Variants in CACNA1E observed in about 807,000 individuals in gnomAD.
CACNA1E encodes the protein calcium voltage-gated channel subunit alpha1 E, also known as voltage-dependent R-type calcium channel subunit alpha-1E.
A neutral mutation model predicts 259.2 loss-of-function variants in CACNA1E; 40 were observed. That is an observed-to-expected ratio of 0.15 (90% CI 0.12 to 0.20). The LOEUF (loss-of-function observed/expected upper bound fraction) is 0.20, where lower values mean the gene tolerates loss of function less well. Among genes scored for constraint, CACNA1E ranks in the 10% least tolerant of loss-of-function variants. The pLI is 1.00. For synonymous variants in CACNA1E, 1,104 were observed against 1,138.5 expected, an observed-to-expected ratio of 0.97 and a Z score of 0.61; for missense variants, 1,874 against 3,040.1, an observed-to-expected ratio of 0.62 and a Z score of 9.02.
At chr1:181,624,575 A>G (rs1352660725) in intron 6 of CACNA1E, among the ~76,000 whole-genome samples, 1 of 152,094 alleles carries the variant, frequency 6.6e-6, no homozygotes, top group Non-Finnish European at 1.5e-5. Flanking sequence ...ATCAATGAAA[A>G]TTTTATCATG....
chr1:181,521,870 G>A (rs1667017278), intron 3 of CACNA1E, among the ~76,000 whole-genome samples: 1 of 152,086 alleles, frequency 6.6e-6, no homozygotes, highest in Admixed American at 6.6e-5. Flanking sequence ...CTAGAGGTGG[G>A]GGAGGCCATG....
chr1:181,358,155 C>T (rs1295788442), intron 1 of CACNA1E, among the ~76,000 whole-genome samples: 1 of 152,138 alleles, frequency 6.6e-6, no homozygotes, highest in Non-Finnish European at 1.5e-5. Flanking sequence ...CCACAGCTAG[C>T]TCTCTACGTG....
chr1:181,712,198 T>C lies in CACNA1E; in HGVS notation c.1171+1129T>C, dbSNP rs137971662. Among the ~76,000 whole-genome samples the C allele has an allele frequency of 2.0e-3, 308 of 152,318 alleles. 1 individual carries two copies. Among genetic ancestry groups the C allele is most frequent in the African/African-American group, 7.0e-3 (291 of 41,570 alleles). On this transcript the variant is annotated intron_variant, in intron 8 of 47. Transcript: ENST00000367573. ...GTGGCTCAGATGCTTATGAAGGGCA[T>C]CAATCACCCCCATATTTGTCAATAA...
intron 6 of CACNA1E, among the ~76,000 whole-genome samples, chr1:181,618,782 G>A (rs1655457919): frequency 6.6e-6 from 1 of 152,204 alleles, no homozygotes; most frequent in Admixed American, 6.5e-5. Context: ...AATTCAGTGA[G>A]TAGTACAGGG....
At chr1:181,409,596 A>T (rs1204842145) in intron 1 of CACNA1E, among the ~76,000 whole-genome samples, 1 of 152,178 alleles carries the variant, frequency 6.6e-6, no homozygotes, top group Non-Finnish European at 1.5e-5. Flanking sequence ...GAATTTGGGG[A>T]TTGGAGGGGG....
chr1:181,519,625 G>C (rs995718084), intron 3 of CACNA1E, among the ~76,000 whole-genome samples: 1 of 152,068 alleles, frequency 6.6e-6, no homozygotes, highest in African/African-American at 2.4e-5. Flanking sequence ...ATGTTGCTAA[G>C]TAACTTGTCC....
chr1:181,347,045 A>G (rs946016920), intron 1 of CACNA1E, among the ~76,000 whole-genome samples: 18 of 152,180 alleles, frequency 1.2e-4, no homozygotes, highest in African/African-American at 3.9e-4. Flanking sequence ...ATGCCTTTTC[A>G]TGAAAACATC....
At chr1:181,735,401 G>A (rs1046907226) in intron 21 of CACNA1E, among the ~76,000 whole-genome samples, 3 of 152,152 alleles carry the variant, frequency 2.0e-5, no homozygotes, top group Non-Finnish European at 2.9e-5. Flanking sequence ...GCCTGGGCAT[G>A]GGCCAGGACC....
intron 43 of CACNA1E, among the ~76,000 whole-genome samples, chr1:181,788,083 T>A (rs962844661): frequency 2.0e-5 from 3 of 152,232 alleles, no homozygotes; most frequent in African/African-American, 7.2e-5. Flanking sequence ...CGTAGGTTAC[T>A]GCAGTTGTGT....
chr1:181,657,882 C>G (rs1659335307), intron 7 of CACNA1E, among the ~76,000 whole-genome samples: 2 of 152,216 alleles, frequency 1.3e-5, no homozygotes, highest in Non-Finnish European at 2.9e-5. Flanking sequence ...TGTTGGCATT[C>G]TTTGTTCGTG....
At chr1:181,534,603 A>G (rs544869509) in intron 3 of CACNA1E, among the ~76,000 whole-genome samples, 1 of 152,258 alleles carries the variant, frequency 6.6e-6, no homozygotes, top group Non-Finnish European at 1.5e-5. Flanking sequence ...AATCCCCACT[A>G]AAGAATTTAT....
intron 6 of CACNA1E, among the ~76,000 whole-genome samples, chr1:181,600,714 A>C (rs964284694): frequency 1.3e-5 from 2 of 152,136 alleles, no homozygotes; most frequent in Non-Finnish European, 2.9e-5. Flanking sequence ...AGGCATGTTA[A>C]ATTGGAGTGG....
chr1:181,745,579 T>C (rs1393783743), intron 25 of CACNA1E, among the ~76,000 whole-genome samples: 1 of 152,004 alleles, frequency 6.6e-6, no homozygotes, highest in East Asian at 1.9e-4. Flanking sequence ...GATTTAAAAG[T>C]AGATTTTAGA....
chr1:181,407,883 T>TATC (rs1478681508), intron 1 of CACNA1E, among the ~76,000 whole-genome samples: 1 of 152,100 alleles, frequency 6.6e-6, no homozygotes, highest in Non-Finnish European at 1.5e-5. Context: ...AGTTGTAGAG[T>TATC]ATCATATCTC....
chr1:181,434,973 GCAGA>G (rs1179136769), intron 2 of CACNA1E, among the ~76,000 whole-genome samples: 1 of 152,206 alleles, frequency 6.6e-6, no homozygotes, highest in African/African-American at 2.4e-5. Context: ...GATCTGGGTT[GCAGA>G]CAGTTACAGA....
At chr1:181,698,138 T>G (rs1190825198) in intron 7 of CACNA1E, among the ~76,000 whole-genome samples, 1 of 152,212 alleles carries the variant, frequency 6.6e-6, no homozygotes, top group Non-Finnish European at 1.5e-5. Flanking sequence ...TGTCTAACAG[T>G]CTACACGTAT....
chr1:181,597,174 C>T (rs1046432030), intron 6 of CACNA1E, among the ~76,000 whole-genome samples: 1 of 152,192 alleles, frequency 6.6e-6, no homozygotes, highest in Non-Finnish European at 1.5e-5. Flanking sequence ...GGCAACCAAT[C>T]TCTTTTATGA....
rs976962580 is a variant in CACNA1E at position 181,788,242 on chromosome 1, G to A, written c.5787-2203G>A. The stretch of plus-strand genomic sequence containing the variant: ...GGAAGGAGGAAGCAAAGGATTCTGG[G>A]TGAAGCCTTTGGGTGCATGTTGGTA... On this transcript the variant is annotated intron_variant, in intron 43 of 47. Coordinates refer to ENST00000367573, the MANE Select transcript of CACNA1E (RefSeq NM_001205293.3). Among the ~76,000 whole-genome samples the A allele has an allele frequency of 2.0e-5, 3 of 152,192 alleles. No homozygotes were observed. In the South Asian group the frequency reaches 6.2e-4, roughly 32 times the overall value.
rs955294432 is a variant in CACNA1E at position 181,498,675 on chromosome 1, T to C, written c.267-11802T>C. Among the ~76,000 whole-genome samples, 11 of 152,190 alleles carry C rather than the reference T, an allele frequency of 7.2e-5. No individual in the cohort carries two copies. In the East Asian group the frequency reaches 2.1e-3, roughly 29 times the overall value. On this transcript the variant is annotated intron_variant, in intron 1 of 47. Coordinates refer to ENST00000367573, the MANE Select transcript of CACNA1E (RefSeq NM_001205293.3). ...AAAGAAACTTGAATCAAACTCACACTTATCCATAAGAAAACTGAAGGCCAT... is the reference window on the plus strand; with the variant it reads ...AAAGAAACTTGAATCAAACTCACACCTATCCATAAGAAAACTGAAGGCCAT...
Sources: allele counts gnomAD v4.1 joint callset (sites outside exome capture counted in the v4.1 genomes callset), GRCh38; gene constraint gnomAD v4.1.1; transcripts MANE v1.5; gene names NCBI Gene and HGNC (gene_info 2026-07-23, HGNC 2026-07-21).